The following NELL2 variants were observed in gnomAD, a reference collection of about 807,000 sequenced individuals.
NELL2 encodes the protein neural EGFL like 2, also known as protein kinase C-binding protein NELL2.
NELL2 carries 41 observed loss-of-function variants against 109.6 expected under a neutral mutation model. The ratio of observed to expected loss-of-function variants is 0.37; its 90% CI spans 0.29 to 0.49. NELL2 has a LOEUF of 0.49. Among genes scored for constraint, NELL2 ranks in the 20% least tolerant of loss-of-function variants. NELL2 has a pLI of 0.98. For synonymous variants in NELL2, 355 were observed against 344.7 expected, an observed-to-expected ratio of 1.03 and a Z score of -0.33; for missense variants, 900 against 1,008.3, an observed-to-expected ratio of 0.89 and a Z score of 1.45.
intron 15 of NELL2, among the ~76,000 whole-genome samples, chr12:44,575,274 T>C (rs1235271954): frequency 6.6e-6 from 1 of 152,258 alleles, no homozygotes; most frequent in African/African-American, 2.4e-5. Flanking sequence ...TTTAACTTAC[T>C]TAAAACTTGA....
chr12:44,532,588 C>G lies in NELL2; in HGVS notation c.1797G>C (p.Ser599=), dbSNP rs369633240. The G allele has an allele frequency of 2.0e-5, 33 of 1,613,090 alleles. No homozygotes were observed. Among genetic ancestry groups the G allele is most frequent in the Non-Finnish European group, 2.6e-5 (31 of 1,179,518 alleles). ...TCTTCTCCTTGTACTGACCTTCACA[C>G]GATTCTCCACTTGGTGAAAACATCC... is the stretch of plus-strand genomic sequence containing the variant. The part of the protein sequence containing the change: ...DNGMFSPSGE[S]CEDIDECGTG... The change falls in exon 16 of 20, where the codon TCG becomes TCC. Residue 599 remains serine, a synonymous_variant. Coordinates refer to ENST00000429094, the MANE Select transcript of NELL2 (RefSeq NM_001145108.2).
intron 15 of NELL2, among the ~76,000 whole-genome samples, chr12:44,574,740 C>T (rs1337510016): frequency 6.6e-6 from 1 of 152,080 alleles, no homozygotes; most frequent in African/African-American, 2.4e-5. Flanking sequence ...AGAGATTTGG[C>T]ACATATGTTA....
intron 12 of NELL2, among the ~76,000 whole-genome samples, chr12:44,684,315 T>C (rs1353738958): frequency 6.6e-6 from 1 of 152,222 alleles, no homozygotes; most frequent in Admixed American, 6.5e-5. Flanking sequence ...CTCTTTTTTC[T>C]TTATTAGTCT....
intron 15 of NELL2, among the ~76,000 whole-genome samples, chr12:44,598,883 A>ACACT (rs1265603008): frequency 8.3e-5 from 12 of 144,040 alleles, no homozygotes; most frequent in East Asian, 2.0e-4. Flanking sequence ...ACACACACAC[A>ACACT]CTCTCTCTCT....
intron 13 of NELL2, among the ~76,000 whole-genome samples, chr12:44,611,783 A>G (rs1945634609): frequency 6.6e-6 from 1 of 152,060 alleles, no homozygotes; most frequent in Non-Finnish European, 1.5e-5. Flanking sequence ...AAGTAACTTC[A>G]GAATTCTAGC....
chr12:44,729,896 C>T (rs1939281023), intron 9 of NELL2, among the ~76,000 whole-genome samples: 1 of 152,054 alleles, frequency 6.6e-6, no homozygotes. Context: ...TGGGTTCAAT[C>T]TATTCTGCCT....
chr12:44,650,528 C>G (rs959253942), intron 13 of NELL2, among the ~76,000 whole-genome samples: 7 of 152,036 alleles, frequency 4.6e-5, no homozygotes, highest in African/African-American at 1.7e-4. Context: ...CCCCTGACCT[C>G]AAGTGATCTG....
chr12:44,796,090 A>G (rs1371144847), intron 3 of NELL2, among the ~76,000 whole-genome samples: 1 of 152,126 alleles, frequency 6.6e-6, no homozygotes, highest in South Asian at 2.1e-4. Flanking sequence ...CCCCATCCAA[A>G]GAGGATAATA....
chr12:44,779,990 T>C lies in NELL2; in HGVS notation c.368A>G (p.Asn123Ser). The stretch of plus-strand genomic sequence containing the variant: ...TGAGCGGTAATGCAGTCTGACTTCA[T>C]TCCGATGGCCACTACTTTCCAGTTC... ...YLELESSGHR[N>S]EVRLHYRSGS... Residue 123 changes from asparagine to serine, a missense_variant, in exon 4 of 20, where the codon AAT becomes AGT. This residue lies in a region of NELL2 where 200 missense variants were observed against 191.8 expected (regional missense o/e 1.04). Coordinates refer to ENST00000429094, the MANE Select transcript of NELL2 (RefSeq NM_001145108.2). 6.2e-7 allele frequency: 1 copy of C among 1,613,828 alleles called. No individual in the cohort carries two copies. Among genetic ancestry groups the C allele is most frequent in the Non-Finnish European group, 8.5e-7 (1 of 1,179,750 alleles).
At chr12:44,558,159 AAT>A (rs1943325433) in intron 15 of NELL2, among the ~76,000 whole-genome samples, 1 of 152,210 alleles carries the variant, frequency 6.6e-6, no homozygotes, top group East Asian at 1.9e-4. Flanking sequence ...ATGAAACTTG[AAT>A]ATGTTTACAG....
chr12:44,543,230 G>C (rs1256329605), intron 15 of NELL2, among the ~76,000 whole-genome samples: 3 of 150,366 alleles, frequency 2.0e-5, no homozygotes, highest in Admixed American at 6.6e-5. Flanking sequence ...AGTTACTTGG[G>C]CAAAAGTCCT....
At chr12:44,580,217 T>A (rs994676274) in intron 15 of NELL2, among the ~76,000 whole-genome samples, 1 of 152,182 alleles carries the variant, frequency 6.6e-6, no homozygotes, top group Non-Finnish European at 1.5e-5. Flanking sequence ...AACTGTGTAA[T>A]GTCATTTTTC....
At chr12:44,644,857 T>C (rs11182593) in intron 13 of NELL2, among the ~76,000 whole-genome samples, 25,972 of 151,222 alleles carry the variant, frequency 0.17, 3,442 homozygotes, top group African/African-American at 0.37. Context: ...ATTATCCTTG[T>C]TTTGTGGGTG....
At chr12:44,612,450 A>G (rs1421129264) in intron 13 of NELL2, among the ~76,000 whole-genome samples, 1 of 151,792 alleles carries the variant, frequency 6.6e-6, no homozygotes, top group Non-Finnish European at 1.5e-5. Flanking sequence ...TCCTGGCTGA[A>G]TAACCCAAAA....
intron 12 of NELL2, among the ~76,000 whole-genome samples, chr12:44,700,231 A>G (rs1379185653): frequency 6.6e-6 from 1 of 152,130 alleles, no homozygotes; most frequent in East Asian, 1.9e-4. Context: ...AGATGCATCC[A>G]CATCTCCACT....
intron 13 of NELL2, among the ~76,000 whole-genome samples, chr12:44,623,823 G>A (rs1946142575): frequency 6.6e-6 from 1 of 152,068 alleles, no homozygotes; most frequent in African/African-American, 2.4e-5. Flanking sequence ...ACCAGAAGAT[G>A]TGTAGCTTAA....
intron 9 of NELL2, among the ~76,000 whole-genome samples, chr12:44,774,236 C>T (rs1351799693): frequency 6.6e-6 from 1 of 152,186 alleles, no homozygotes; most frequent in Non-Finnish European, 1.5e-5. Context: ...TGCTAAAAGG[C>T]AGAAAAGCTT....
At chr12:44,907,399 G>A (rs1945731671) in intron 1 of NELL2, among the ~76,000 whole-genome samples, 1 of 152,032 alleles carries the variant, frequency 6.6e-6, no homozygotes, top group South Asian at 2.1e-4. Flanking sequence ...TAGATTAGGT[G>A]CAAAACCAAA....
intron 1 of NELL2, among the ~76,000 whole-genome samples, chr12:44,913,433 A>C (rs1945800557): frequency 6.6e-6 from 1 of 152,148 alleles, no homozygotes; most frequent in Non-Finnish European, 1.5e-5. Flanking sequence ...GGCATATCTA[A>C]GTTCTTTATT....
Sources: gnomAD v4.1 joint callset for allele counts (sites outside exome capture counted in the v4.1 genomes callset) on GRCh38, gnomAD v4.1.1 for gene constraint, gnomAD v4.1.1 regional missense constraint, MANE v1.5 for transcripts, NCBI Gene and HGNC (gene_info 2026-07-23, HGNC 2026-07-21) for gene names.